The following CMPK1 variants were observed in gnomAD, a reference collection of about 807,000 sequenced individuals.
The protein encoded by CMPK1 is UMP-CMP kinase.
A neutral mutation model predicts 25.7 loss-of-function variants in CMPK1; 10 were observed. That is an observed-to-expected ratio of 0.39 (90% CI 0.24 to 0.66). The LOEUF (loss-of-function observed/expected upper bound fraction) is 0.66, where lower values mean the gene tolerates loss of function less well. Among genes scored for constraint, CMPK1 ranks in the 30% least tolerant of loss-of-function variants. The pLI is 0.48. For missense variants in CMPK1, 199 were observed against 280.5 expected (o/e 0.71, Z 2.08); for synonymous variants, 106 against 101.5 (o/e 1.04, Z -0.27).
intron 1 of CMPK1, among the ~76,000 whole-genome samples, chr1:47,347,063 A>G (rs1646490267): frequency 6.6e-6 from 1 of 152,136 alleles, no homozygotes; most frequent in East Asian, 1.9e-4. Context: ...GATTATAGGC[A>G]TGAGCCATTG....
At chr1:47,359,534 C>T (rs1401121410) in intron 1 of CMPK1, among the ~76,000 whole-genome samples, 3 of 150,822 alleles carry the variant, frequency 2.0e-5, no homozygotes, top group African/African-American at 4.9e-5. Context: ...ATTACAGGTG[C>T]CCGCCACCAC....
Position 47,333,916 on chromosome 1 carries a change from C to G in CMPK1, c.-30C>G. On this transcript the variant is annotated 5_prime_UTR_variant, in exon 1 of 6. Coordinates refer to ENST00000371873, the MANE Select transcript of CMPK1 (RefSeq NM_016308.3). ...CCCGCGCCGCGCCGGCCGCTGTCAG[C>G]TCCCTCAGCGTCCGGCCGAGGCGCG... The G allele has an allele frequency of 7.8e-7, 1 of 1,286,488 alleles. No homozygotes were observed. The highest frequency in any genetic ancestry group is 2.3e-5 in the South Asian group (1 of 42,842). The allele number at this position is 1,286,488 out of a possible 1,614,324, so 79.7% of individuals were successfully genotyped here. A position where few individuals can be genotyped will look rare whatever the true frequency, so the allele number is the denominator to read the frequency against.
chr1:47,372,603 A>C (rs1420149035), intron 2 of CMPK1, among the ~76,000 whole-genome samples: 2 of 152,108 alleles, frequency 1.3e-5, no homozygotes, highest in Non-Finnish European at 2.9e-5. Context: ...TGCCGCTCTT[A>C]TTGTTTATTT....
At chr1:47,371,990 C>A (rs1407665013) in intron 2 of CMPK1, among the ~76,000 whole-genome samples, 9 of 152,168 alleles carry the variant, frequency 5.9e-5, no homozygotes, top group African/African-American at 1.9e-4. Flanking sequence ...TCCTCACTTT[C>A]CCAAATCCAT....
At chr1:47,372,848 C>A in intron 2 of CMPK1, 107 bp from the exon 3 acceptor site, 3 of 681,906 alleles carry the variant, frequency 4.4e-6, no homozygotes, top group African/African-American at 1.9e-5. Context: ...CCACCCTTTA[C>A]TTATGGTTTA....
In CMPK1 at chr1:47,349,016, A is replaced by T. The variant is rs138799959; in HGVS notation, c.171+14900A>T. On this transcript the variant is annotated intron_variant, in intron 1 of 5. Coordinates refer to ENST00000371873, the MANE Select transcript of CMPK1 (RefSeq NM_016308.3). ...AGGGAAGTGAAAAGTGGAAATGGTA[A>T]TGTTTCAGAAGTGGGGAAAGGCAAG... Among the ~76,000 whole-genome samples the T allele has an allele frequency of 6.6e-3, 1,004 of 152,286 alleles. 13 individuals carry two copies. The highest frequency in any genetic ancestry group is 0.023 in the African/African-American group (936 of 41,558).
chr1:47,350,579 G>A (rs2149328146), intron 1 of CMPK1, among the ~76,000 whole-genome samples: 1 of 152,186 alleles, frequency 6.6e-6, no homozygotes, highest in Non-Finnish European at 1.5e-5. Flanking sequence ...TTAAAGTAGA[G>A]TGTGCGTACA....
At chr1:47,363,660 A>C (rs371128928) in intron 1 of CMPK1, among the ~76,000 whole-genome samples, 2 of 150,560 alleles carry the variant, frequency 1.3e-5, no homozygotes, top group Middle Eastern at 3.5e-3. Context: ...ACAAACAAAC[A>C]AAAAACAGGC....
intron 1 of CMPK1, among the ~76,000 whole-genome samples, chr1:47,357,266 C>G (rs1014791756): frequency 2.0e-4 from 31 of 152,146 alleles, no homozygotes; most frequent in Admixed American, 1.6e-3. Flanking sequence ...CGCGCCCAGC[C>G]CTGCCTTCTT....
At chr1:47,349,204 G>C (rs1371915718) in intron 1 of CMPK1, among the ~76,000 whole-genome samples, 1 of 152,160 alleles carries the variant, frequency 6.6e-6, no homozygotes, top group African/African-American at 2.4e-5. Flanking sequence ...CCCACCAGTA[G>C]ATTCTGTTAT....
chr1:47,333,893 C>A lies in CMPK1; in HGVS notation c.-53C>A. On this transcript the variant is annotated 5_prime_UTR_variant, in exon 1 of 6. Coordinates refer to ENST00000371873, the MANE Select transcript of CMPK1 (RefSeq NM_016308.3). Reference sequence around the variant, plus strand: ...CTCCCGCCGCCTCCCCGCCCCGCCCCGCGCCGCGCCGGCCGCTGTCAGCTC... The same window carrying A: ...CTCCCGCCGCCTCCCCGCCCCGCCCAGCGCCGCGCCGGCCGCTGTCAGCTC... The A allele has an allele frequency of 8.4e-7, 1 of 1,196,316 alleles. No individual in the cohort carries two copies. The highest frequency in any genetic ancestry group is 1.0e-6 in the Non-Finnish European group (1 of 958,022). The allele number at this position is 1,196,316 out of a possible 1,614,324, so 74.1% of individuals were successfully genotyped here.
chr1:47,335,929 A>AT (rs1646395403), intron 1 of CMPK1, among the ~76,000 whole-genome samples: 1 of 151,782 alleles, frequency 6.6e-6, no homozygotes, highest in Non-Finnish European at 1.5e-5. Flanking sequence ...CGCCTGGCTA[A>AT]TTTTTGTATT....
At chr1:47,368,424 G>A (rs759663153) in intron 1 of CMPK1, 45 bp from the exon 2 acceptor site, 2 of 1,532,424 alleles carry the variant, frequency 1.3e-6, no homozygotes, top group Non-Finnish European at 1.8e-6. Context: ...TCCTACCACT[G>A]GGTTGAATGA....
intron 1 of CMPK1, among the ~76,000 whole-genome samples, chr1:47,334,435 T>C (rs1646380985): frequency 6.6e-6 from 1 of 151,998 alleles, no homozygotes; most frequent in African/African-American, 2.4e-5. Context: ...CCTTTGGGGG[T>C]CCCCCAGCGC....
At chr1:47,369,864 AT>A (rs34739143) in intron 2 of CMPK1, among the ~76,000 whole-genome samples, 38,009 of 126,216 alleles carry the variant, frequency 0.3, 5,345 homozygotes, top group Middle Eastern at 0.37. Flanking sequence ...CCGGCCCCCA[AT>A]TTTTTTTTTT....
chr1:47,341,626 ATTTTTAT>A (rs1570351648), intron 1 of CMPK1, among the ~76,000 whole-genome samples: 1 of 151,844 alleles, frequency 6.6e-6, no homozygotes, highest in East Asian at 1.9e-4. Context: ...TAAGATTTTT[ATTTTTAT>A]TTTTTATTAT....
intron 1 of CMPK1, among the ~76,000 whole-genome samples, chr1:47,342,876 C>T (rs545452024): frequency 6.6e-6 from 1 of 151,742 alleles, no homozygotes; most frequent in Non-Finnish European, 1.5e-5. Context: ...TCTCAAACTC[C>T]TGGCTTTGTG....
chr1:47,356,481 A>G (rs1646561609), intron 1 of CMPK1, among the ~76,000 whole-genome samples: 1 of 152,134 alleles, frequency 6.6e-6, no homozygotes, highest in South Asian at 2.1e-4. Flanking sequence ...AGTTTTGGCC[A>G]TTCACTCACA....
intron 1 of CMPK1, among the ~76,000 whole-genome samples, chr1:47,362,557 A>G (rs1646611107): frequency 6.6e-6 from 1 of 151,742 alleles, no homozygotes; most frequent in African/African-American, 2.4e-5. Flanking sequence ...GGTTCAAGCA[A>G]TTCTCCTGCC....
Sources: allele counts gnomAD v4.1 joint callset (sites outside exome capture counted in the v4.1 genomes callset), GRCh38; gene constraint gnomAD v4.1.1; transcripts MANE v1.5; gene names NCBI Gene and HGNC (gene_info 2026-07-23, HGNC 2026-07-21).